The following DMD variants were observed in gnomAD, a reference collection of about 807,000 sequenced individuals.
The protein encoded by DMD is mutant dystrophin.
Under a neutral mutation model 330.1 loss-of-function variants are expected in DMD, and 63 were observed. The observed-to-expected ratio is 0.19, with a 90% CI of 0.16 to 0.24. DMD has a LOEUF of 0.24. DMD is among the 10% of genes least tolerant of loss of function. The pLI is 1.00. For synonymous variants in DMD, 1,223 were observed against 959.8 expected, an observed-to-expected ratio of 1.27 and a Z score of -5.07; for missense variants, 3,344 against 2,684.1, an observed-to-expected ratio of 1.25 and a Z score of -5.43.
intron 20 of DMD, among the ~76,000 whole-genome samples, chrX:32,487,187 G>T (rs867730279): frequency 4.5e-5 from 5 of 111,558 alleles, no homozygotes; most frequent in Non-Finnish European, 7.5e-5. Context: ...AAAAGTGGGC[G>T]AAGGGCATGC....
chrX:32,418,639 A>G (rs1295761775), intron 29 of DMD, among the ~76,000 whole-genome samples: 1 of 111,310 alleles, frequency 9.0e-6, no homozygotes, highest in Admixed American at 9.6e-5. Flanking sequence ...GAAGCATGCC[A>G]TAAAAGTATC....
intron 1 of DMD, among the ~76,000 whole-genome samples, chrX:33,060,938 A>G: frequency 8.9e-6 from 1 of 112,288 alleles, no homozygotes; most frequent in East Asian, 2.8e-4. Context: ...GGTTAAACTA[A>G]GTTAAACAAT....
Position 33,179,649 on chromosome X carries a change from G to A in DMD, c.31+31633C>T, listed in dbSNP as rs754117132. On this transcript the variant is annotated intron_variant, in intron 1 of 78. Transcript: ENST00000357033. ...GCGGAGCTTGCAGTGAGCCGAGATC[G>A]CGCCACTGCACTCTAGCCTGGGTGA... 4.7e-4 allele frequency among the ~76,000 whole-genome samples: 50 copies of A among 105,691 alleles called. 1 individual carries two copies. The East Asian group carries it at 0.014, about 29-fold the overall frequency. The allele number at this position is 105,691 out of a possible 115,157, so 91.8% of individuals were successfully genotyped here.
At chrX:32,938,584 T>C (rs1348587021) in intron 2 of DMD, among the ~76,000 whole-genome samples, 1 of 112,019 alleles carries the variant, frequency 8.9e-6, no homozygotes, top group African/African-American at 3.2e-5. Flanking sequence ...TTTTAGTTAC[T>C]ACCAACCCCA....
chrX:33,318,659 C>T lies in DMD; in HGVS notation c.7+20600G>A, dbSNP rs189271067. On this transcript the variant is annotated intron_variant, in intron 1 of 17. Transcript: ENST00000288447. ...ACAGGGTTTCACCATGTTGGCCAAG[C>T]TGGTCTCGAACTCCTGACCTCAAAT... is the stretch of plus-strand genomic sequence containing the variant. Among the ~76,000 whole-genome samples, 230 of 109,047 alleles carry T rather than the reference C, an allele frequency of 2.1e-3. 1 individual carries two copies. The highest frequency in any genetic ancestry group is 7.4e-3 in the African/African-American group (222 of 29,932). The allele number at this position is 109,047 out of a possible 115,157, so 94.7% of individuals were successfully genotyped here. A position where few individuals can be genotyped will look rare whatever the true frequency, so the allele number is the denominator to read the frequency against.
At chrX:32,708,146 T>C (rs2064851720) in intron 7 of DMD, among the ~76,000 whole-genome samples, 2 of 112,079 alleles carry the variant, frequency 1.8e-5, no homozygotes, top group Non-Finnish European at 3.8e-5. Context: ...GTTTATTTCA[T>C]GTGACATAAA....
intron 17 of DMD, among the ~76,000 whole-genome samples, chrX:32,534,302 T>C (rs1468541008): frequency 9.0e-6 from 1 of 111,603 alleles, no homozygotes; most frequent in Non-Finnish European, 1.9e-5. Flanking sequence ...TAAACTCCAG[T>C]GCTGGAAATG....
intron 2 of DMD, among the ~76,000 whole-genome samples, chrX:32,901,791 A>AC (rs2086268315): frequency 1.8e-5 from 2 of 110,722 alleles, no homozygotes; most frequent in Non-Finnish European, 3.8e-5. Context: ...GTGTCTGAAC[A>AC]TGTGTAAAGC....
chrX:33,327,930 G>A (rs1177615750), intron 1 of DMD, among the ~76,000 whole-genome samples: 1 of 111,690 alleles, frequency 9.0e-6, no homozygotes, highest in Non-Finnish European at 1.9e-5. Context: ...ACTGCACCTA[G>A]CATGTTAAAA....
At position 31,206,365 on chromosome X, in the gene DMD, G is replaced by T. The variant is rs948967660; in HGVS notation, c.9649+217C>A. On this transcript the variant is annotated intron_variant, in intron 66 of 78. Coordinates refer to ENST00000357033, the MANE Select transcript of DMD (RefSeq NM_004006.3). The stretch of plus-strand genomic sequence containing the variant: ...TCAATGTAATGTAAAATAATACCTG[G>T]ACTGGAAAAGCTAATCCTCATTCTC... Among the ~76,000 whole-genome samples, 52 of 112,139 alleles carry T rather than the reference G, an allele frequency of 4.6e-4. 1 individual carries two copies. Among genetic ancestry groups the T allele is most frequent in the African/African-American group, 1.6e-3 (50 of 30,869 alleles).
intron 55 of DMD, among the ~76,000 whole-genome samples, chrX:31,566,436 T>C (rs1015265198): frequency 4.5e-5 from 5 of 111,910 alleles, no homozygotes; most frequent in African/African-American, 1.6e-4. Flanking sequence ...GGGTTCTCTA[T>C]TCTGTTTCAT....
intron 1 of DMD, among the ~76,000 whole-genome samples, chrX:33,065,575 T>TA (rs2094641700): frequency 3.9e-5 from 4 of 102,833 alleles, no homozygotes; most frequent in Non-Finnish European, 7.9e-5. Flanking sequence ...CACCAAAGAT[T>TA]ATAAGCCGGT....
chrX:31,786,416 A>AT (rs1046601489), intron 50 of DMD, among the ~76,000 whole-genome samples: 2 of 111,658 alleles, frequency 1.8e-5, no homozygotes, highest in South Asian at 3.8e-4. Flanking sequence ...TTTAAAAGAG[A>AT]TTTTTTTGAG....
At chrX:32,551,534 C>T (rs1157992905) in intron 16 of DMD, among the ~76,000 whole-genome samples, 1 of 111,800 alleles carries the variant, frequency 8.9e-6, no homozygotes, top group Non-Finnish European at 1.9e-5. Context: ...CAACATTATA[C>T]TGAATGTGCA....
chrX:32,527,748 A>G (rs1214064272), intron 17 of DMD, among the ~76,000 whole-genome samples: 1 of 111,384 alleles, frequency 9.0e-6, no homozygotes, highest in Non-Finnish European at 1.9e-5. Context: ...TTTTGGAATT[A>G]CAGAATATTA....
At chrX:31,617,534 C>CAAAAA (rs749572753) in intron 55 of DMD, among the ~76,000 whole-genome samples, 434 of 32,019 alleles carry the variant, frequency 0.014, 34 homozygotes, top group Admixed American at 0.059. Context: ...GACTTCGTCT[C>CAAAAA]AAAAAAAAAA....
At chrX:32,809,344 T>C (rs1384368322) in intron 7 of DMD, 149 bp downstream of exon 7, 27 of 495,070 alleles carry the variant, frequency 5.5e-5, no homozygotes, top group Non-Finnish European at 1.4e-5. Context: ...CATAATATAG[T>C]GCAAGAAGGC....
At chrX:31,484,170 T>C (rs1188904163) in intron 57 of DMD, among the ~76,000 whole-genome samples, 2 of 111,772 alleles carry the variant, frequency 1.8e-5, no homozygotes, top group East Asian at 5.6e-4. Context: ...GTCAAGAGCC[T>C]TGATTTTGAT....
chrX:33,063,600 C>T (rs1002944975), intron 1 of DMD, among the ~76,000 whole-genome samples: 1 of 111,608 alleles, frequency 9.0e-6, no homozygotes, highest in African/African-American at 3.3e-5. Context: ...ACATATGTCT[C>T]TAGAAGAATA....
Sources: gnomAD v4.1 joint callset for allele counts (sites outside exome capture counted in the v4.1 genomes callset) on GRCh38, gnomAD v4.1.1 for gene constraint, MANE v1.5 for transcripts, NCBI Gene and HGNC (gene_info 2026-07-23, HGNC 2026-07-21) for gene names.